Variants in FAXC observed in about 807,000 individuals in gnomAD.
FAXC encodes the protein failed axon connections homolog, metaxin like GST domain containing.
A neutral mutation model predicts 41.9 loss-of-function variants in FAXC; 10 were observed. The observed-to-expected ratio is 0.24, with a 90% CI of 0.15 to 0.41. The LOEUF is 0.41. Ranked by LOEUF, FAXC falls within the 10% of genes least tolerant of loss-of-function variation. FAXC has a pLI of 1.00. For synonymous variants in FAXC, 183 were observed against 183.8 expected, an observed-to-expected ratio of 1.00 and a Z score of 0.03; for missense variants, 399 against 510.9, an observed-to-expected ratio of 0.78 and a Z score of 2.11.
At chr6:99,294,568 T>C (rs1245373128) in intron 4 of FAXC, among the ~76,000 whole-genome samples, 1 of 152,050 alleles carries the variant, frequency 6.6e-6, no homozygotes, top group Non-Finnish European at 1.5e-5. Context: ...GAAAACAGGA[T>C]TTTTGTTGTG....
At chr6:99,313,738 T>G (rs763138408) in intron 4 of FAXC, among the ~76,000 whole-genome samples, 10 of 152,244 alleles carry the variant, frequency 6.6e-5, no homozygotes, top group Admixed American at 2.0e-4. Context: ...TATTCTGACA[T>G]GAAGTCAGAA....
In FAXC at chr6:99,349,280, C is replaced by G. The variant is rs1773706543; in HGVS notation, c.93G>C (p.Gly31=). The G allele has an allele frequency of 1.9e-6, 3 of 1,613,510 alleles. No individual in the cohort carries two copies. Among genetic ancestry groups the G allele is most frequent in the Non-Finnish European group, 2.5e-6 (3 of 1,180,014 alleles). The change falls in exon 1 of 6, where the codon GGG becomes GGC. Residue 31 remains glycine (G), a synonymous_variant. Transcript: ENST00000389677. ...CATAAAAGGAGAAGGGCTCCTCGGA[C>G]CCGGCCCACCAGCCGAAGAAGGAGA... ...QSISFFGWWA[G]SEEPFSFYGD... is the part of the protein sequence containing the mutation.
rs1174562628 is a variant in FAXC, at chr6:99,272,144, A to ATGTGTG, written c.*9019_*9020insCACACA. On this transcript the variant is annotated 3_prime_UTR_variant, in exon 6 of 6. Coordinates refer to ENST00000389677, the MANE Select transcript of FAXC (RefSeq NM_032511.4). The stretch of plus-strand genomic sequence containing the variant: ...AGAGGTATGAAAACTAATTGAGACT[A>ATGTGTG]TATGTGTGTGTGTGTGTGTGTGTGT... The ATGTGTG allele has an allele frequency of 2.4e-5, 1 of 41,390 alleles. No individual in the cohort carries two copies. Among genetic ancestry groups the ATGTGTG allele is most frequent in the South Asian group, 9.0e-4 (1 of 1,112 alleles). The allele number at this position is 41,390 out of a possible 1,614,324, so 2.6% of individuals were successfully genotyped here.
chr6:99,292,008 T>TGATA (rs1043479679), intron 4 of FAXC, among the ~76,000 whole-genome samples, 188 bp from the exon 5 acceptor site: 7 of 152,200 alleles, frequency 4.6e-5, no homozygotes, highest in African/African-American at 1.7e-4. Context: ...AGCAATCATG[T>TGATA]GATACATCAA....
chr6:99,338,727 G>C (rs1248055159), intron 2 of FAXC, among the ~76,000 whole-genome samples: 2 of 152,172 alleles, frequency 1.3e-5, no homozygotes, highest in Non-Finnish European at 2.9e-5. Flanking sequence ...AGTGCTGACT[G>C]CCAAAACCAA....
intron 4 of FAXC, among the ~76,000 whole-genome samples, chr6:99,298,881 G>A (rs147559701): frequency 1.3e-5 from 2 of 152,222 alleles, no homozygotes; most frequent in African/African-American, 4.8e-5. Context: ...CTCTCCAAGT[G>A]TAGGAATCCC....
chr6:99,337,487 T>A (rs189490340), intron 2 of FAXC, among the ~76,000 whole-genome samples: 1 of 152,308 alleles, frequency 6.6e-6, no homozygotes, highest in Non-Finnish European at 1.5e-5. Context: ...GCCAAAAATA[T>A]CAGTTATGAT....
chr6:99,299,753 T>C (rs1771632716), intron 4 of FAXC, among the ~76,000 whole-genome samples: 2 of 152,158 alleles, frequency 1.3e-5, no homozygotes, highest in East Asian at 3.9e-4. Flanking sequence ...AAATAAAATC[T>C]ACTCCCTATT....
At chr6:99,339,580 A>G (rs1489031968) in intron 2 of FAXC, among the ~76,000 whole-genome samples, 7 of 152,266 alleles carry the variant, frequency 4.6e-5, no homozygotes, top group Admixed American at 4.6e-4. Context: ...CATAATAAAT[A>G]TCCTCCAATG....
At chr6:99,319,030 G>A (rs1772482591) in intron 4 of FAXC, among the ~76,000 whole-genome samples, 1 of 152,158 alleles carries the variant, frequency 6.6e-6, no homozygotes, top group Admixed American at 6.5e-5. Flanking sequence ...GAGGCATCAG[G>A]CAACCATTAC....
intron 4 of FAXC, among the ~76,000 whole-genome samples, chr6:99,303,382 C>T (rs576585136): frequency 6.6e-6 from 1 of 152,130 alleles, no homozygotes; most frequent in African/African-American, 2.4e-5. Context: ...TAATACCTTG[C>T]CCTTAAATAT....
At position 99,349,480 on chromosome 6, in the gene FAXC, C is replaced by A; in HGVS notation, c.-108G>T. Reference sequence around the variant, plus strand: ...AGAGGCGCGCGGAGGGCGCGGGCGGCGCGGGCGGCGGCGACTGAGGAGGCG... The same window carrying A: ...AGAGGCGCGCGGAGGGCGCGGGCGGAGCGGGCGGCGGCGACTGAGGAGGCG... On this transcript the variant is annotated 5_prime_UTR_variant, in exon 1 of 6. Transcript: ENST00000389677. 3 of 860,016 alleles carry A rather than the reference C, an allele frequency of 3.5e-6. No homozygotes were observed. Among genetic ancestry groups the A allele is most frequent in the Non-Finnish European group, 4.2e-6 (3 of 716,162 alleles). 53.3% of individuals were successfully genotyped at this position (860,016 alleles called of 1,614,324 possible). A position where few individuals can be genotyped will look rare whatever the true frequency, so the allele number is the denominator to read the frequency against.
intron 4 of FAXC, among the ~76,000 whole-genome samples, chr6:99,303,869 G>A (rs1159442526): frequency 2.6e-5 from 4 of 152,074 alleles, no homozygotes; most frequent in African/African-American, 9.7e-5. Flanking sequence ...TAATAATTTT[G>A]ATCAGAAAAA....
chr6:99,274,904 A>G lies in FAXC; in HGVS notation c.*6260T>C, dbSNP rs1770545315. ...AGAGGAAAGTCATTGATTATTTTTTAAAGAGGAGGAAGACAGTAAATATTC... is the reference window on the plus strand; with the variant it reads ...AGAGGAAAGTCATTGATTATTTTTTGAAGAGGAGGAAGACAGTAAATATTC... On this transcript the variant is annotated 3_prime_UTR_variant, in exon 6 of 6. Transcript: ENST00000389677. 6.6e-6 allele frequency: 1 copy of G among 152,220 alleles called. No individual in the cohort carries two copies. Among genetic ancestry groups the G allele is most frequent in the African/African-American group, 2.4e-5 (1 of 41,466 alleles). The allele number at this position is 152,220 out of a possible 1,614,324, so 9.4% of individuals were successfully genotyped here.
chr6:99,291,604 C>A, intron 5 of FAXC, 100 bp downstream of exon 5: 1 of 851,390 alleles, frequency 1.2e-6, no homozygotes, highest in Non-Finnish European at 2.0e-6. Context: ...ATAAAGCACA[C>A]CCAAGACGAA....
At chr6:99,309,478 T>A (rs1698585079) in intron 4 of FAXC, among the ~76,000 whole-genome samples, 1 of 152,222 alleles carries the variant, frequency 6.6e-6, no homozygotes, top group South Asian at 2.1e-4. Flanking sequence ...ATAATCAACA[T>A]AGTTTTACCA....
At chr6:99,314,957 G>A (rs1772284787) in intron 4 of FAXC, among the ~76,000 whole-genome samples, 1 of 152,028 alleles carries the variant, frequency 6.6e-6, no homozygotes, top group South Asian at 2.1e-4. Context: ...TCCTTGGCCA[G>A]GCGCAGTGCC....
chr6:99,327,250 A>G (rs957806876), intron 3 of FAXC, among the ~76,000 whole-genome samples: 4 of 152,208 alleles, frequency 2.6e-5, no homozygotes, highest in Non-Finnish European at 5.9e-5. Context: ...ATACCAAAGA[A>G]AATAGATGCT....
chr6:99,311,358 C>T (rs865992507), intron 4 of FAXC, among the ~76,000 whole-genome samples: 3 of 152,066 alleles, frequency 2.0e-5, no homozygotes, highest in African/African-American at 4.8e-5. Flanking sequence ...GGGTGGATCA[C>T]GAGGTCAGGA....
Sources: gnomAD v4.1 joint callset for allele counts (sites outside exome capture counted in the v4.1 genomes callset) on GRCh38, gnomAD v4.1.1 for gene constraint, MANE v1.5 for transcripts, NCBI Gene and HGNC (gene_info 2026-07-23, HGNC 2026-07-21) for gene names.